Variants in PARN observed in about 807,000 individuals in gnomAD.
The protein encoded by PARN is poly(A)-specific ribonuclease PARN.
Under a neutral mutation model 102.8 loss-of-function variants are expected in PARN, and 71 were observed. That is an observed-to-expected ratio of 0.69 (90% CI 0.57 to 0.84). The LOEUF (loss-of-function observed/expected upper bound fraction) is 0.84. Among genes scored for constraint, PARN ranks in the 40% least tolerant of loss-of-function variants. PARN has a pLI of 0.00. For synonymous variants in PARN, 261 were observed against 252.9 expected (o/e 1.03, Z -0.30); for missense variants, 782 against 760.9 (o/e 1.03, Z -0.33).
At chr16:14,568,848 T>TCA (rs1735539084) in intron 18 of PARN, among the ~76,000 whole-genome samples, 1 of 151,656 alleles carries the variant, frequency 6.6e-6, no homozygotes, top group African/African-American at 2.4e-5. Context: ...TGAGCCGAGA[T>TCA]CACGCCATTG....
chr16:14,452,589 G>A (rs1401996666), intron 22 of PARN, among the ~76,000 whole-genome samples: 1 of 152,080 alleles, frequency 6.6e-6, no homozygotes, highest in African/African-American at 2.4e-5. Context: ...TGCCTGCCTC[G>A]GCCTCCCAAA....
chr16:14,531,487 A>G (rs575033738), intron 21 of PARN, among the ~76,000 whole-genome samples: 1 of 152,322 alleles, frequency 6.6e-6, no homozygotes, highest in South Asian at 2.1e-4. Context: ...TTGGAAGCCA[A>G]TGGCCCATTT....
intron 21 of PARN, among the ~76,000 whole-genome samples, chr16:14,492,177 A>C (rs764703084): frequency 1.3e-5 from 2 of 152,220 alleles, no homozygotes; most frequent in Non-Finnish European, 2.9e-5. Context: ...GAAAGAGTAG[A>C]AACTAGGGCA....
At chr16:14,588,484 AAT>A (rs1355134785) in intron 13 of PARN, among the ~76,000 whole-genome samples, 1 of 152,218 alleles carries the variant, frequency 6.6e-6, no homozygotes, top group African/African-American at 2.4e-5. Flanking sequence ...ATCGATATTT[AAT>A]GCCTTCTAGT....
At chr16:14,531,684 C>A (rs1476066471) in intron 21 of PARN, among the ~76,000 whole-genome samples, 1 of 152,098 alleles carries the variant, frequency 6.6e-6, no homozygotes. Context: ...TGCTACCATG[C>A]CATCCTACAC....
intron 22 of PARN, among the ~76,000 whole-genome samples, chr16:14,482,297 T>G (rs1048284312): frequency 6.6e-6 from 1 of 151,820 alleles, no homozygotes; most frequent in African/African-American, 2.4e-5. Context: ...CAGGTTGAGG[T>G]TGGAGGATCA....
chr16:14,617,693 G>T, intron 5 of PARN, 43 bp from the exon 6 acceptor site: 1 of 1,180,650 alleles, frequency 8.5e-7, no homozygotes, highest in African/African-American at 1.5e-5. Flanking sequence ...GGATGTTAGC[G>T]GCAGGAATAT....
chr16:14,453,848 T>C (rs1016094337), intron 22 of PARN, among the ~76,000 whole-genome samples: 1 of 152,220 alleles, frequency 6.6e-6, no homozygotes, highest in African/African-American at 2.4e-5. Flanking sequence ...CAACTATTTG[T>C]CATTACAAAT....
rs376047170 is a variant in PARN, at chr16:14,545,760, G to C, written c.1480+6261C>G. Among the ~76,000 whole-genome samples the C allele has an allele frequency of 3.9e-5, 6 of 152,216 alleles. No individual in the cohort carries two copies. The East Asian group carries it at 9.7e-4, about 25-fold the overall frequency. ...AAGGGTTAAAGCTTTACCAGCTCAAGGTGTTTCAGCACCACCTCTTACCAA... is the reference window on the plus strand; with the variant it reads ...AAGGGTTAAAGCTTTACCAGCTCAACGTGTTTCAGCACCACCTCTTACCAA... On this transcript the variant is annotated intron_variant, in intron 21 of 23. Transcript: ENST00000437198.
At chr16:14,555,145 T>C (rs1967590591) in intron 19 of PARN, among the ~76,000 whole-genome samples, 1 of 152,074 alleles carries the variant, frequency 6.6e-6, no homozygotes. Context: ...GCCAGTGACA[T>C]GCATTAAGGT....
At chr16:14,584,479 A>C in intron 15 of PARN, 57 bp from the exon 16 acceptor site, 1 of 1,413,244 alleles carries the variant, frequency 7.1e-7, no homozygotes, top group Non-Finnish European at 9.9e-7. Context: ...CAATATATTA[A>C]AGAGATTCAC....
chr16:14,447,397 GTAGAA>G (rs1425864902), intron 22 of PARN, among the ~76,000 whole-genome samples: 1 of 152,212 alleles, frequency 6.6e-6, no homozygotes, highest in African/African-American at 2.4e-5. Flanking sequence ...TAACAGAATA[GTAGAA>G]TAGAATAGTA....
At chr16:14,484,170 C>G (rs1023542022) in intron 21 of PARN, among the ~76,000 whole-genome samples, 3 of 152,240 alleles carry the variant, frequency 2.0e-5, no homozygotes, top group African/African-American at 7.2e-5. Context: ...TGGCTGGCAG[C>G]AGTACTTGAA....
chr16:14,590,634 CAAAAAAA>C (rs966183881), intron 13 of PARN, among the ~76,000 whole-genome samples: 2 of 63,536 alleles, frequency 3.1e-5, no homozygotes, highest in African/African-American at 1.1e-4. Flanking sequence ...GATTCAGTCT[CAAAAAAA>C]AAAAAAAAAA....
At chr16:14,449,424 G>T (rs1464729309) in intron 22 of PARN, among the ~76,000 whole-genome samples, 1 of 152,100 alleles carries the variant, frequency 6.6e-6, no homozygotes, top group Non-Finnish European at 1.5e-5. Flanking sequence ...ACAAAACGCG[G>T]GTGAATGCCT....
intron 6 of PARN, among the ~76,000 whole-genome samples, chr16:14,616,290 A>T (rs1452938425): frequency 6.6e-6 from 1 of 152,210 alleles, no homozygotes; most frequent in Non-Finnish European, 1.5e-5. Flanking sequence ...GATGTAGAAG[A>T]GAAATCATGC....
At chr16:14,459,135 T>C (rs764787670) in intron 22 of PARN, among the ~76,000 whole-genome samples, 1 of 152,200 alleles carries the variant, frequency 6.6e-6, no homozygotes, top group Non-Finnish European at 1.5e-5. Context: ...CTCTCACAAC[T>C]TCTATTCAAC....
At chr16:14,518,615 T>C (rs1005362285) in intron 21 of PARN, among the ~76,000 whole-genome samples, 6 of 152,058 alleles carry the variant, frequency 3.9e-5, no homozygotes, top group African/African-American at 1.5e-4. Context: ...TAAATATGTA[T>C]ACTTATGTTT....
chr16:14,597,129 A>C (rs959882224), intron 12 of PARN, among the ~76,000 whole-genome samples: 18 of 152,168 alleles, frequency 1.2e-4, no homozygotes, highest in African/African-American at 4.1e-4. Flanking sequence ...AAATGTAGAA[A>C]GGACGAAGGA....
Sources: gnomAD v4.1 joint callset for allele counts (sites outside exome capture counted in the v4.1 genomes callset) on GRCh38, gnomAD v4.1.1 for gene constraint, MANE v1.5 for transcripts, NCBI Gene and HGNC (gene_info 2026-07-23, HGNC 2026-07-21) for gene names.